The following RAD51B variants were observed in gnomAD, a reference collection of about 807,000 sequenced individuals.
The protein encoded by RAD51B is RAD51 paralog B.
A neutral mutation model predicts 42.2 loss-of-function variants in RAD51B; 38 were observed. The ratio of observed to expected loss-of-function variants is 0.90; its 90% CI spans 0.70 to 1.18. RAD51B has a LOEUF of 1.18. Among genes scored for constraint, RAD51B ranks in the 50% most tolerant of loss-of-function variants. The pLI is 0.00. For synonymous variants in RAD51B, 154 were observed against 145.2 expected (o/e 1.06, Z -0.43); for missense variants, 373 against 400.7 (o/e 0.93, Z 0.59).
chr14:68,414,007 T>C (rs2084485610), intron 9 of RAD51B, among the ~76,000 whole-genome samples: 1 of 151,064 alleles, frequency 6.6e-6, no homozygotes, highest in Non-Finnish European at 1.5e-5. Context: ...GATTATATTT[T>C]ATCCCGTTTC....
At chr14:67,901,529 A>G (rs1357548551) in intron 7 of RAD51B, among the ~76,000 whole-genome samples, 1 of 152,190 alleles carries the variant, frequency 6.6e-6, no homozygotes, top group Non-Finnish European at 1.5e-5. Context: ...TTACTGTTGA[A>G]CAATAGACCT....
intron 8 of RAD51B, among the ~76,000 whole-genome samples, chr14:68,381,024 G>C (rs1046331171): frequency 6.6e-6 from 1 of 152,198 alleles, no homozygotes; most frequent in African/African-American, 2.4e-5. Flanking sequence ...ATGAATCTTA[G>C]CCATGAAATC....
At chr14:68,476,160 C>T (rs192305262) in intron 10 of RAD51B, among the ~76,000 whole-genome samples, 61 of 151,720 alleles carry the variant, frequency 4.0e-4, no homozygotes, top group African/African-American at 1.4e-3. Context: ...AAGGTTCAAA[C>T]AGTGGAATAT....
intron 7 of RAD51B, among the ~76,000 whole-genome samples, chr14:68,140,659 T>A (rs929999001): frequency 2.6e-5 from 4 of 152,258 alleles, no homozygotes; most frequent in African/African-American, 7.2e-5. Flanking sequence ...CAAGGTTCAC[T>A]AATCAGAATT....
intron 7 of RAD51B, among the ~76,000 whole-genome samples, chr14:67,948,946 A>AC (rs1272613392): frequency 2.7e-5 from 4 of 150,326 alleles, no homozygotes; most frequent in African/African-American, 9.8e-5. Context: ...AAAAAAAAAA[A>AC]AAAAAAAAAA....
chr14:68,663,615 G>A (rs1004698249), intron 11 of RAD51B, among the ~76,000 whole-genome samples: 2 of 152,198 alleles, frequency 1.3e-5, no homozygotes, highest in Admixed American at 6.5e-5. Context: ...TACCCCATTT[G>A]AGTGTGCCGT....
intron 7 of RAD51B, among the ~76,000 whole-genome samples, chr14:67,946,612 C>T (rs1020456194): frequency 5.3e-5 from 8 of 152,178 alleles, no homozygotes; most frequent in Admixed American, 3.9e-4. Flanking sequence ...GTGATCCACC[C>T]GCCTCGGCCT....
At chr14:68,502,022 C>G (rs1020410418) in intron 10 of RAD51B, among the ~76,000 whole-genome samples, 1 of 152,086 alleles carries the variant, frequency 6.6e-6, no homozygotes, top group Non-Finnish European at 1.5e-5. Context: ...TGCCACAGCC[C>G]GGTCACCTTT....
chr14:68,412,548 C>G (rs977323928), intron 9 of RAD51B, among the ~76,000 whole-genome samples: 5 of 152,192 alleles, frequency 3.3e-5, no homozygotes, highest in Non-Finnish European at 1.5e-5. Flanking sequence ...GAGCTATTGC[C>G]TGTTCTAGAC....
chr14:68,452,067 G>A (rs114757776), intron 9 of RAD51B, among the ~76,000 whole-genome samples: 3,009 of 152,282 alleles, frequency 0.02, 92 homozygotes, highest in African/African-American at 0.069. Flanking sequence ...GGCCTGGACA[G>A]GAGGACCCAG....
chr14:67,963,840 T>G lies in RAD51B; in HGVS notation c.756+76636T>G, dbSNP rs145959872. 2.9e-3 allele frequency among the ~76,000 whole-genome samples: 437 copies of G among 152,180 alleles called. 3 individuals are homozygous for G. The highest frequency in any genetic ancestry group is 9.4e-3 in the African/African-American group (391 of 41,536). ...TTAGGGTTTTTCTTTTTTTTAGGAT[T>G]TTTTTGAGTGACTTTTTCATGTGTT... On this transcript the variant is annotated intron_variant, in intron 7 of 10. Transcript: ENST00000471583.
intron 4 of RAD51B, among the ~76,000 whole-genome samples, chr14:67,845,120 CAT>C (rs138639416): frequency 0.028 from 4,253 of 152,254 alleles, 183 homozygotes; most frequent in African/African-American, 0.095. Context: ...TTAATATTGA[CAT>C]GTGGATTTGA....
chr14:68,212,879 A>G (rs1359432987), intron 7 of RAD51B, among the ~76,000 whole-genome samples: 1 of 152,158 alleles, frequency 6.6e-6, no homozygotes, highest in Non-Finnish European at 1.5e-5. Flanking sequence ...TGGAAATGTC[A>G]AGGGATAGAT....
chr14:68,506,828 C>T (rs1264640523), intron 10 of RAD51B, among the ~76,000 whole-genome samples: 7 of 152,128 alleles, frequency 4.6e-5, no homozygotes, highest in African/African-American at 9.7e-5. Context: ...TATGTGTGCA[C>T]ACATGGTAGG....
At chr14:68,319,621 G>A (rs2082122221) in intron 8 of RAD51B, among the ~76,000 whole-genome samples, 1 of 152,180 alleles carries the variant, frequency 6.6e-6, no homozygotes, top group South Asian at 2.1e-4. Flanking sequence ...TAGGTCTACT[G>A]TAGCTCAGAG....
intron 7 of RAD51B, among the ~76,000 whole-genome samples, chr14:68,131,980 T>A (rs1390219060): frequency 6.6e-6 from 1 of 152,166 alleles, no homozygotes; most frequent in Non-Finnish European, 1.5e-5. Flanking sequence ...TGGAAGGATA[T>A]TAAAGAGTTT....
chr14:68,097,687 C>T (rs576172263), intron 7 of RAD51B, among the ~76,000 whole-genome samples: 3 of 152,162 alleles, frequency 2.0e-5, no homozygotes, highest in Non-Finnish European at 4.4e-5. Flanking sequence ...TTCTTCATTT[C>T]ATTGCTTCTG....
chr14:68,202,398 T>C (rs1452537256), intron 7 of RAD51B, among the ~76,000 whole-genome samples: 2 of 152,170 alleles, frequency 1.3e-5, no homozygotes. Context: ...TAACCCATAG[T>C]AGAACTTTAA....
chr14:67,822,578 C>T (rs1226244327), intron 1 of RAD51B, among the ~76,000 whole-genome samples: 3 of 151,888 alleles, frequency 2.0e-5, no homozygotes, highest in Non-Finnish European at 2.9e-5. Flanking sequence ...CAAAAATTAG[C>T]CAGACATGGT....
Sources: allele counts gnomAD v4.1 joint callset (sites outside exome capture counted in the v4.1 genomes callset), GRCh38; gene constraint gnomAD v4.1.1; transcripts MANE v1.5; gene names NCBI Gene and HGNC (gene_info 2026-07-23, HGNC 2026-07-21).